Variants in MLLT3 observed in about 807,000 individuals in gnomAD.
The protein encoded by MLLT3 is MLLT3 super elongation complex subunit.
Under a neutral mutation model 53.2 loss-of-function variants are expected in MLLT3, and 4 were observed. The ratio of observed to expected loss-of-function variants is 0.08; its 90% CI spans 0.04 to 0.17. The LOEUF is 0.17. Ranked by LOEUF, MLLT3 falls within the 10% of genes least tolerant of loss-of-function variation. The probability of loss-of-function intolerance (pLI) is 1.00; values close to 1 mark genes in which losing one functional copy is unlikely to be tolerated. For synonymous variants in MLLT3, 283 were observed against 230.6 expected (o/e 1.23, Z -2.06); for missense variants, 569 against 684.0 (o/e 0.83, Z 1.87).
intron 2 of MLLT3, among the ~76,000 whole-genome samples, chr9:20,606,096 A>G (rs1190108803): frequency 6.6e-6 from 1 of 152,140 alleles, no homozygotes; most frequent in African/African-American, 2.4e-5. Context: ...ACGAGAATTC[A>G]ATAACGTAAA....
chr9:20,571,861 G>C (rs1819540722), intron 2 of MLLT3, among the ~76,000 whole-genome samples: 1 of 152,162 alleles, frequency 6.6e-6, no homozygotes, highest in African/African-American at 2.4e-5. Context: ...TTTTTGTCAA[G>C]AGAACAAAAG....
chr9:20,486,722 A>G (rs1397320338), intron 2 of MLLT3, among the ~76,000 whole-genome samples: 1 of 152,214 alleles, frequency 6.6e-6, no homozygotes, highest in Non-Finnish European at 1.5e-5. Context: ...CTTGGTTAAT[A>G]TCTATGAGAT....
chr9:20,349,061 G>A (rs1042001384), intron 10 of MLLT3, among the ~76,000 whole-genome samples: 3 of 152,128 alleles, frequency 2.0e-5, no homozygotes, highest in Non-Finnish European at 2.9e-5. Flanking sequence ...ATGCAATGGA[G>A]GCAAATAACA....
intron 4 of MLLT3, among the ~76,000 whole-genome samples, chr9:20,435,999 T>C (rs565066266): frequency 1.3e-5 from 2 of 152,136 alleles, no homozygotes; most frequent in African/African-American, 4.8e-5. Flanking sequence ...GGTAAACTAA[T>C]TCTATTAAAG....
intron 2 of MLLT3, among the ~76,000 whole-genome samples, chr9:20,585,592 A>G (rs924422286): frequency 6.6e-6 from 1 of 152,188 alleles, no homozygotes; most frequent in Non-Finnish European, 1.5e-5. Context: ...TTGATTCTAA[A>G]TCTTCACCAT....
intron 2 of MLLT3, among the ~76,000 whole-genome samples, chr9:20,492,644 T>C (rs2118924696): frequency 6.6e-6 from 1 of 152,054 alleles, no homozygotes; most frequent in South Asian, 2.1e-4. Flanking sequence ...AAAAATCATT[T>C]ATATAAGAGC....
At chr9:20,352,258 T>A (rs1253596767) in intron 10 of MLLT3, among the ~76,000 whole-genome samples, 1 of 152,226 alleles carries the variant, frequency 6.6e-6, no homozygotes, top group African/African-American at 2.4e-5. Flanking sequence ...ACTCACTATT[T>A]GGGCCCAGCT....
intron 5 of MLLT3, among the ~76,000 whole-genome samples, chr9:20,375,499 C>G (rs992063305): frequency 6.6e-6 from 1 of 152,126 alleles, no homozygotes; most frequent in South Asian, 2.1e-4. Context: ...ACACTTCATC[C>G]CAGCGGAGTT....
At chr9:20,405,653 A>T (rs1586924228) in intron 5 of MLLT3, among the ~76,000 whole-genome samples, 2 of 152,352 alleles carry the variant, frequency 1.3e-5, no homozygotes, top group Non-Finnish European at 2.9e-5. Flanking sequence ...TGGAGGGAGT[A>T]GAGTTCAATA....
At chr9:20,507,443 A>G (rs1011062198) in intron 2 of MLLT3, among the ~76,000 whole-genome samples, 1 of 152,172 alleles carries the variant, frequency 6.6e-6, no homozygotes, top group African/African-American at 2.4e-5. Context: ...TGAGAATGTT[A>G]ACCCTACAAA....
chr9:20,567,583 G>T (rs537954499), intron 2 of MLLT3, among the ~76,000 whole-genome samples: 5 of 152,164 alleles, frequency 3.3e-5, no homozygotes, highest in African/African-American at 9.6e-5. Flanking sequence ...CCTTGCCAGG[G>T]TTCCAAGAAA....
intron 2 of MLLT3, among the ~76,000 whole-genome samples, chr9:20,577,588 C>T (rs559319853): frequency 6.6e-6 from 1 of 152,298 alleles, no homozygotes; most frequent in East Asian, 1.9e-4. Flanking sequence ...ATACCAACCA[C>T]TTGGGCAATT....
intron 4 of MLLT3, 142 bp from the exon 5 acceptor site, chr9:20,414,567 A>G (rs1352687946): frequency 3.3e-6 from 4 of 1,218,700 alleles, no homozygotes; most frequent in Non-Finnish European, 4.5e-6. Flanking sequence ...TAAACCAAAA[A>G]CCACAATATA....
At chr9:20,484,498 C>T (rs777974398) in intron 2 of MLLT3, among the ~76,000 whole-genome samples, 2 of 152,144 alleles carry the variant, frequency 1.3e-5, no homozygotes, top group Non-Finnish European at 2.9e-5. Context: ...TATTTATATA[C>T]TTTTGGCTTT....
At chr9:20,518,235 C>G (rs1274329573) in intron 2 of MLLT3, among the ~76,000 whole-genome samples, 1 of 152,136 alleles carries the variant, frequency 6.6e-6, no homozygotes, top group Non-Finnish European at 1.5e-5. Flanking sequence ...ATCCCAGCTA[C>G]TCAGGAGGCT....
intron 4 of MLLT3, among the ~76,000 whole-genome samples, chr9:20,419,377 C>A (rs905140273): frequency 1.3e-5 from 2 of 151,544 alleles, no homozygotes; most frequent in Non-Finnish European, 2.9e-5. Flanking sequence ...TTGAATGGAT[C>A]AAGGAAACCT....
rs1415240440 is a variant in MLLT3, at chr9:20,342,760, G to A, written c.*3683C>T. 4.1e-5 allele frequency: 8 copies of A among 193,978 alleles called. No homozygotes were observed. The highest frequency in any genetic ancestry group is 1.9e-4 in the African/African-American group (8 of 42,854). The allele number at this position is 193,978 out of a possible 1,614,324, so 12.0% of individuals were successfully genotyped here. A position where few individuals can be genotyped will look rare whatever the true frequency, so the allele number is the denominator to read the frequency against. On this transcript the variant is annotated 3_prime_UTR_variant, in exon 11 of 11. Coordinates refer to ENST00000380338, the MANE Select transcript of MLLT3 (RefSeq NM_004529.4). Reference sequence around the variant, plus strand: ...TGACTCCTTAACATTCACTGCAGCTGTAGTAGTCTCTACATCATATTCATA... The same window carrying A: ...TGACTCCTTAACATTCACTGCAGCTATAGTAGTCTCTACATCATATTCATA...
intron 2 of MLLT3, among the ~76,000 whole-genome samples, chr9:20,615,690 G>C (rs530623558): frequency 6.6e-6 from 1 of 151,898 alleles, no homozygotes; most frequent in African/African-American, 2.4e-5. Context: ...CTTTTCAGGT[G>C]ATTGGTGACG....
intron 3 of MLLT3, among the ~76,000 whole-genome samples, chr9:20,449,129 C>T (rs1273825138): frequency 1.3e-5 from 2 of 152,202 alleles, no homozygotes; most frequent in Non-Finnish European, 2.9e-5. Context: ...CTCTCCTCTA[C>T]TATGTATGCA....
Sources: gnomAD v4.1 joint callset for allele counts (sites outside exome capture counted in the v4.1 genomes callset) on GRCh38, gnomAD v4.1.1 for gene constraint, MANE v1.5 for transcripts, NCBI Gene and HGNC (gene_info 2026-07-23, HGNC 2026-07-21) for gene names.